The following NUDC variants were observed in gnomAD, a reference collection of about 807,000 sequenced individuals.
NUDC encodes the protein nuclear distribution C, dynein complex regulator.
NUDC carries 14 observed loss-of-function variants against 45.0 expected under a neutral mutation model. That is an observed-to-expected ratio of 0.31 (90% confidence interval 0.21 to 0.49). The LOEUF (loss-of-function observed/expected upper bound fraction) is 0.49. Ranked by LOEUF, NUDC falls within the 20% of genes least tolerant of loss-of-function variation. The pLI is 0.99. For missense variants in NUDC, 323 were observed against 426.2 expected, an observed-to-expected ratio of 0.76 and a Z score of 2.13; for synonymous variants, 153 against 156.7, an observed-to-expected ratio of 0.98 and a Z score of 0.17.
chr1:26,905,857 T>C (rs938979082), intron 2 of NUDC, among the ~76,000 whole-genome samples: 2 of 152,178 alleles, frequency 1.3e-5, no homozygotes, highest in Non-Finnish European at 1.5e-5. Flanking sequence ...GTCTATAAAA[T>C]GGATGGAGGC....
chr1:26,908,347 T>C (rs2082011302), intron 2 of NUDC, among the ~76,000 whole-genome samples: 1 of 152,184 alleles, frequency 6.6e-6, no homozygotes, highest in South Asian at 2.1e-4. Context: ...GCCTACAGTC[T>C]CATGGAGAAA....
intron 8 of NUDC, 55 bp from the exon 9 acceptor site, chr1:26,946,074 AG>A: frequency 6.5e-7 from 1 of 1,543,790 alleles, no homozygotes; most frequent in Non-Finnish European, 9.0e-7. Context: ...TGCTGGGAGA[AG>A]GGACAGCTTT....
chr1:26,908,646 A>G (rs1038241260), intron 2 of NUDC, among the ~76,000 whole-genome samples: 1 of 151,292 alleles, frequency 6.6e-6, no homozygotes, highest in Non-Finnish European at 1.5e-5. Flanking sequence ...GCAGCCTCCA[A>G]CTCCCAGCTC....
Position 26,941,502 on chromosome 1 carries a change from ACCCGGCGGGAGAAGAGAG to A in NUDC, c.212_229del (p.Arg71_Arg76del), listed in dbSNP as rs1486506650. The A allele has an allele frequency of 3.1e-6, 5 of 1,613,838 alleles. No homozygotes were observed. The highest frequency in any genetic ancestry group is 8.5e-7 in the Non-Finnish European group (1 of 1,180,000). ...CCACCACAATCAGCTGGCACAGAAG[ACCCGGCGGGAGAAGAGAG>A]CCCGGCAGGAGGCCGAGCGGCGGGA... On this transcript the variant is annotated inframe_deletion, in exon 3 of 9. Transcript: ENST00000321265.
intron 8 of NUDC, 118 bp from the exon 9 acceptor site, chr1:26,946,012 C>A: frequency 2.0e-6 from 2 of 1,013,934 alleles, no homozygotes; most frequent in African/African-American, 1.6e-5. Flanking sequence ...TGCTCCTGCC[C>A]AGCCTGGCTT....
chr1:26,901,540 G>T (rs2081978961), intron 1 of NUDC, among the ~76,000 whole-genome samples: 1 of 151,766 alleles, frequency 6.6e-6, no homozygotes, highest in Non-Finnish European at 1.5e-5. Context: ...GAGTAGCTGG[G>T]ACTACAGGTG....
intron 2 of NUDC, among the ~76,000 whole-genome samples, chr1:26,902,921 C>T (rs1033716601): frequency 3.3e-5 from 5 of 151,866 alleles, no homozygotes; most frequent in Admixed American, 2.6e-4. Flanking sequence ...TGGTGGTATG[C>T]GCCTGTAATC....
intron 1 of NUDC, among the ~76,000 whole-genome samples, chr1:26,901,736 A>T (rs997250330): frequency 6.6e-6 from 1 of 151,934 alleles, no homozygotes; most frequent in Admixed American, 6.6e-5. Flanking sequence ...GGGTTATTTG[A>T]TTACTATTGA....
At chr1:26,944,870 C>T (rs1292634961) in intron 6 of NUDC, among the ~76,000 whole-genome samples, 4 of 151,806 alleles carry the variant, frequency 2.6e-5, no homozygotes, top group South Asian at 2.1e-4. Flanking sequence ...GGTGAAGCCC[C>T]GTCTCTACTA....
rs2082010973 is a variant in NUDC, at chr1:26,908,272, G to A, written c.-15-2856G>A. On this transcript the variant is annotated intron_variant, in intron 2 of 6. Transcript: ENST00000435827. ...CCTGTTTCCTCCTCTTCCCTCACTGGCAATGAGACACAGATCCCAACCCAG... is the reference window on the plus strand; with the variant it reads ...CCTGTTTCCTCCTCTTCCCTCACTGACAATGAGACACAGATCCCAACCCAG... Among the ~76,000 whole-genome samples, 3 of 151,976 alleles carry A rather than the reference G, an allele frequency of 2.0e-5. 1 individual carries two copies. In the South Asian group the frequency reaches 6.2e-4, roughly 32 times the overall value.
At chr1:26,931,154 T>G (rs2082179946) in intron 2 of NUDC, among the ~76,000 whole-genome samples, 1 of 151,594 alleles carries the variant, frequency 6.6e-6, no homozygotes, top group African/African-American at 2.4e-5. Flanking sequence ...CTTGGCTCAC[T>G]GCAACCTCTG....
chr1:26,924,455 T>A (rs2082115570), intron 2 of NUDC, among the ~76,000 whole-genome samples: 1 of 152,230 alleles, frequency 6.6e-6, no homozygotes, highest in South Asian at 2.1e-4. Context: ...AGTCTTGAGC[T>A]GAGCTGTGGG....
In NUDC at chr1:26,904,994, G is replaced by C. The variant is rs1287089818; in HGVS notation, c.-16+2628G>C. ...TGGGATTACAGGCATGCGCCACCAC[G>C]CCCGGCTAATTTTTGTATTTTTAGT... On this transcript the variant is annotated intron_variant, in intron 2 of 6. Coordinates refer to the NUDC transcript ENST00000435827. Among the ~76,000 whole-genome samples, 3 of 149,888 alleles carry C rather than the reference G, an allele frequency of 2.0e-5. No homozygotes were observed. In the South Asian group the frequency reaches 6.3e-4, roughly 31 times the overall value.
At chr1:26,917,034 G>C (rs1445855720), upstream of NUDC, among the ~76,000 whole-genome samples, 1 of 152,164 alleles carries the variant, frequency 6.6e-6, no homozygotes, top group East Asian at 1.9e-4. Context: ...AAGACAGGCA[G>C]ATCACCTGAG....
At chr1:26,940,948 A>G (rs1270194293) in intron 2 of NUDC, among the ~76,000 whole-genome samples, 4 of 147,066 alleles carry the variant, frequency 2.7e-5, no homozygotes, top group Non-Finnish European at 5.9e-5. Flanking sequence ...TTTGAGATGG[A>G]GTCTTGCTCT....
intron 2 of NUDC, among the ~76,000 whole-genome samples, chr1:26,929,184 T>C (rs568497868): frequency 6.6e-6 from 1 of 152,348 alleles, no homozygotes; most frequent in South Asian, 2.1e-4. Flanking sequence ...GTTGATCCTT[T>C]GTATCCGTGG....
chr1:26,921,590 C>A (rs941631248), upstream of NUDC: 41 of 566,104 alleles, frequency 7.2e-5, no homozygotes, highest in Admixed American at 7.4e-4. Flanking sequence ...GCTTCGTGGA[C>A]GCGCTTGTTG....
intron 2 of NUDC, 78 bp downstream of exon 2, chr1:26,924,244 A>G (rs1185989564): frequency 2.4e-6 from 3 of 1,255,116 alleles, no homozygotes; most frequent in South Asian, 2.4e-5. Context: ...TCTTTGGCAT[A>G]ATAGTAACTT....
upstream of NUDC, among the ~76,000 whole-genome samples, chr1:26,921,557 T>A (rs1570720961): frequency 6.6e-6 from 1 of 152,146 alleles, no homozygotes; most frequent in Non-Finnish European, 1.5e-5. Flanking sequence ...TGCCAAACTC[T>A]CGGGCCCACG....
Sources: allele counts gnomAD v4.1 joint callset (sites outside exome capture counted in the v4.1 genomes callset), GRCh38; gene constraint gnomAD v4.1.1; transcripts MANE v1.5; gene names NCBI Gene and HGNC (gene_info 2026-07-23, HGNC 2026-07-21).